The following GRM1 variants were observed in gnomAD, a reference collection of about 807,000 sequenced individuals.
The protein encoded by GRM1 is glutamate metabotropic receptor 1.
Under a neutral mutation model 90.9 loss-of-function variants are expected in GRM1, and 33 were observed. The observed-to-expected ratio is 0.36, with a 90% CI of 0.28 to 0.49. The LOEUF (loss-of-function observed/expected upper bound fraction) is 0.49. Ranked by LOEUF, GRM1 falls within the 20% of genes least tolerant of loss-of-function variation. The pLI is 0.99. For synonymous variants in GRM1, 700 were observed against 613.2 expected (o/e 1.14, Z -2.09); for missense variants, 1,190 against 1,534.3 (o/e 0.78, Z 3.75).
chr6:146,373,697 T>G (rs112855049), intron 5 of GRM1, among the ~76,000 whole-genome samples: 2,750 of 152,298 alleles, frequency 0.018, 77 homozygotes, highest in African/African-American at 0.063. Context: ...GCTACTGATT[T>G]TTGTATGTTG....
intron 2 of GRM1, among the ~76,000 whole-genome samples, chr6:146,231,445 C>A (rs1393128187): frequency 6.6e-6 from 1 of 152,016 alleles, no homozygotes; most frequent in Non-Finnish European, 1.5e-5. Flanking sequence ...TGAGAGTGGG[C>A]AACTTCACCT....
chr6:146,289,024 C>T (rs2114877916), intron 2 of GRM1, among the ~76,000 whole-genome samples: 1 of 152,176 alleles, frequency 6.6e-6, no homozygotes, highest in Admixed American at 6.5e-5. Context: ...GTGCCTAATA[C>T]TTGATATTGA....
intron 2 of GRM1, among the ~76,000 whole-genome samples, chr6:146,298,248 T>C (rs967331038): frequency 2.0e-5 from 3 of 152,222 alleles, no homozygotes; most frequent in Admixed American, 6.5e-5. Context: ...AGACTATCTA[T>C]GGTCCTTATT....
intron 2 of GRM1, among the ~76,000 whole-genome samples, chr6:146,232,039 G>A (rs553834034): frequency 3.8e-4 from 57 of 151,968 alleles, no homozygotes; most frequent in Non-Finnish European, 7.4e-4. Flanking sequence ...AAAGCCACCT[G>A]GTCCTAAAGT....
intron 1 of GRM1, among the ~76,000 whole-genome samples, chr6:146,068,416 A>C (rs568141886): frequency 2.0e-5 from 3 of 152,172 alleles, no homozygotes; most frequent in Non-Finnish European, 4.4e-5. Flanking sequence ...CCCGGCCTCA[A>C]ATAATTTTTT....
intron 2 of GRM1, among the ~76,000 whole-genome samples, chr6:146,301,740 A>C (rs1783390975): frequency 6.6e-6 from 1 of 152,158 alleles, no homozygotes; most frequent in South Asian, 2.1e-4. Flanking sequence ...TATAGCTCAA[A>C]TCTTCAAATT....
intron 1 of GRM1, among the ~76,000 whole-genome samples, chr6:146,121,702 T>A (rs928380193): frequency 6.6e-6 from 1 of 152,236 alleles, no homozygotes; most frequent in Admixed American, 6.5e-5. Context: ...TACCCAGTAG[T>A]CATTCAGGAG....
At chr6:146,164,725 C>A (rs888349527) in intron 2 of GRM1, among the ~76,000 whole-genome samples, 3 of 152,060 alleles carry the variant, frequency 2.0e-5, no homozygotes, top group Non-Finnish European at 4.4e-5. Context: ...ACACACTATT[C>A]TTTCAGGGTG....
At chr6:146,062,510 T>C (rs1396056087) in intron 1 of GRM1, among the ~76,000 whole-genome samples, 2 of 151,770 alleles carry the variant, frequency 1.3e-5, no homozygotes, top group Non-Finnish European at 2.9e-5. Context: ...TAAAATAAAA[T>C]AAAATAAAAT....
chr6:146,434,909 C>T lies in GRM1; in HGVS notation c.*113C>T. 1.1e-6 allele frequency: 1 copy of T among 889,546 alleles called. No homozygotes were observed. Among genetic ancestry groups the T allele is most frequent in the Non-Finnish European group, 1.8e-6 (1 of 551,448 alleles). The allele number at this position is 889,546 out of a possible 1,614,324, so 55.1% of individuals were successfully genotyped here. ...GGAGTGGGGGGCCTCGTCGGGAGGACAGGAGACCGCTGCTGCTGCTGCCGC... is the reference window on the plus strand; with the variant it reads ...GGAGTGGGGGGCCTCGTCGGGAGGATAGGAGACCGCTGCTGCTGCTGCCGC... On this transcript the variant is annotated 3_prime_UTR_variant, in exon 8 of 8. Transcript: ENST00000282753.
At position 146,436,739 on chromosome 6, in the gene GRM1, A is replaced by T. The variant is rs1778606211; in HGVS notation, c.*1943A>T. 1 of 152,600 alleles carries T rather than the reference A, an allele frequency of 6.6e-6. No homozygotes were observed. The allele number at this position is 152,600 out of a possible 1,614,324, so 9.5% of individuals were successfully genotyped here. A position where few individuals can be genotyped will look rare whatever the true frequency, so the allele number is the denominator to read the frequency against. On this transcript the variant is annotated 3_prime_UTR_variant, in exon 8 of 8. Coordinates refer to ENST00000282753, the MANE Select transcript of GRM1 (RefSeq NM_001278064.2). ...GATTTCTTCTATTATTTGTGGAATG[A>T]ATTATACCCCCCTTAAATATCTTTG...
intron 7 of GRM1, among the ~76,000 whole-genome samples, chr6:146,422,127 G>T (rs1778018004): frequency 6.6e-6 from 1 of 152,070 alleles, no homozygotes. Context: ...GAATTGTATA[G>T]AACATTTTAT....
chr6:146,395,650 C>T (rs1776899887), intron 6 of GRM1, among the ~76,000 whole-genome samples: 1 of 152,066 alleles, frequency 6.6e-6, no homozygotes, highest in East Asian at 1.9e-4. Flanking sequence ...GTTCTGTATT[C>T]ATGAAGTTTA....
chr6:146,027,884 T>C (rs1290775903), upstream of GRM1: 1 of 152,494 alleles, frequency 6.6e-6, no homozygotes, highest in Admixed American at 6.5e-5. Context: ...AAAGTCCCAG[T>C]CTATCAGATT....
At chr6:146,340,134 G>T (rs952487627) in intron 3 of GRM1, among the ~76,000 whole-genome samples, 25 of 152,164 alleles carry the variant, frequency 1.6e-4, no homozygotes, top group Admixed American at 8.5e-4. Context: ...AAAAATCAAT[G>T]CCAGGTATGT....
At chr6:146,335,566 T>C (rs1784743925) in intron 3 of GRM1, among the ~76,000 whole-genome samples, 1 of 152,174 alleles carries the variant, frequency 6.6e-6, no homozygotes, top group Non-Finnish European at 1.5e-5. Flanking sequence ...CTTTTCTCTT[T>C]CTTTGCCCAC....
intron 1 of GRM1, among the ~76,000 whole-genome samples, chr6:146,095,023 A>G (rs771471243): frequency 3.2e-4 from 49 of 152,306 alleles, no homozygotes; most frequent in Non-Finnish European, 5.7e-4. Context: ...AAAGATGCAC[A>G]TATGATCAGC....
chr6:146,329,712 C>G (rs1363132434), intron 3 of GRM1, among the ~76,000 whole-genome samples: 1 of 152,160 alleles, frequency 6.6e-6, no homozygotes, highest in Non-Finnish European at 1.5e-5. Context: ...GTTGAATACA[C>G]CTAACCTGCC....
chr6:146,198,993 G>A (rs549077616), intron 2 of GRM1, among the ~76,000 whole-genome samples: 2 of 152,256 alleles, frequency 1.3e-5, no homozygotes, highest in African/African-American at 4.8e-5. Flanking sequence ...TGGCTTAAGA[G>A]GAAAAGCACT....
Sources: gnomAD v4.1 joint callset for allele counts (sites outside exome capture counted in the v4.1 genomes callset) on GRCh38, gnomAD v4.1.1 for gene constraint, MANE v1.5 for transcripts, NCBI Gene and HGNC (gene_info 2026-07-23, HGNC 2026-07-21) for gene names.